SNX31: variants seen among roughly 807,000 people sequenced by gnomAD.
SNX31 encodes sorting nexin 31, also known as sorting nexin-31.
SNX31 carries 58 observed loss-of-function variants against 65.4 expected under a neutral mutation model. That is an observed-to-expected ratio of 0.89 (90% confidence interval 0.72 to 1.10). The LOEUF (loss-of-function observed/expected upper bound fraction) is 1.10. Among genes scored for constraint, SNX31 ranks in the 50% least tolerant of loss-of-function variants. SNX31 has a pLI of 0.00. For synonymous variants in SNX31, 181 were observed against 190.1 expected, an observed-to-expected ratio of 0.95 and a Z score of 0.39; for missense variants, 523 against 529.7, an observed-to-expected ratio of 0.99 and a Z score of 0.12.
intron 2 of SNX31, among the ~76,000 whole-genome samples, chr8:100,646,165 T>C (rs1819621874): frequency 6.6e-6 from 1 of 152,150 alleles, no homozygotes; most frequent in Non-Finnish European, 1.5e-5. Context: ...AGGAAAGGCA[T>C]ACAAATTTAC....
At position 100,613,681 on chromosome 8, in the gene SNX31, C is replaced by A. The variant is rs1284912807; in HGVS notation, c.433-596G>T. On this transcript the variant is annotated intron_variant, in intron 5 of 13. Coordinates refer to ENST00000311812, the MANE Select transcript of SNX31 (RefSeq NM_152628.4). The surrounding 1 kb of genome is among the most constrained non-coding windows in gnomAD (Gnocchi z 5.2). ...GCCAGGCACAGGTTGCCTTCCTTCA[C>A]ATTCCTCTTTGACTTATATCAAACA... Among the ~76,000 whole-genome samples the A allele has an allele frequency of 3.3e-5, 5 of 152,206 alleles. No individual in the cohort carries two copies. In the East Asian group the frequency reaches 9.6e-4, roughly 29 times the overall value.
chr8:100,627,057 A>G (rs1292556475), intron 4 of SNX31, among the ~76,000 whole-genome samples: 1 of 152,212 alleles, frequency 6.6e-6, no homozygotes. Context: ...TCAGGAAAAT[A>G]AGATACACAA....
At chr8:100,654,420 C>T (rs971660222), upstream of SNX31, among the ~76,000 whole-genome samples, 1 of 152,214 alleles carries the variant, frequency 6.6e-6, no homozygotes. Flanking sequence ...GATTCAAATC[C>T]AGGCTGCCTG....
At chr8:100,601,795 C>T (rs1815653987) in intron 8 of SNX31, among the ~76,000 whole-genome samples, 1 of 152,208 alleles carries the variant, frequency 6.6e-6, no homozygotes, top group African/African-American at 2.4e-5. Flanking sequence ...GCAGAAATCG[C>T]CTTGAAGGCA....
chr8:100,607,911 A>G (rs1443308932), intron 8 of SNX31, among the ~76,000 whole-genome samples: 1 of 152,254 alleles, frequency 6.6e-6, no homozygotes, highest in Non-Finnish European at 1.5e-5. Flanking sequence ...AGCCCAACGC[A>G]ACTGTGCAGG....
At chr8:100,637,019 C>T (rs993837300) in intron 2 of SNX31, among the ~76,000 whole-genome samples, 2 of 152,178 alleles carry the variant, frequency 1.3e-5, no homozygotes, top group Non-Finnish European at 2.9e-5. Flanking sequence ...CCACACCCGG[C>T]CGGGTGACTC....
At chr8:100,574,201 A>G (rs147125270) in intron 13 of SNX31, among the ~76,000 whole-genome samples, 50 of 152,350 alleles carry the variant, frequency 3.3e-4, no homozygotes, top group African/African-American at 1.2e-3. Context: ...TGCATCTTTC[A>G]GGGCCCTGGG....
chr8:100,643,486 A>C (rs1819415004), intron 2 of SNX31, among the ~76,000 whole-genome samples: 1 of 152,110 alleles, frequency 6.6e-6, no homozygotes, highest in South Asian at 2.1e-4. Flanking sequence ...TCACCAGATA[A>C]AGGGCCACAG....
rs1308785451 is a variant in SNX31, at chr8:100,649,265, T to C, written c.141+9A>G. 7.4e-6 allele frequency: 12 copies of C among 1,613,450 alleles called. No homozygotes were observed. Among genetic ancestry groups the C allele is most frequent in the Non-Finnish European group, 1.0e-5 (12 of 1,179,588 alleles). ...TGGATGGGCTCGTACCCGCCTCCAA[T>C]CTGCTCACCTGTTCGTTCCAACCGT... On this transcript the variant is annotated intron_variant, in intron 2 of 13. Coordinates refer to ENST00000311812, the MANE Select transcript of SNX31 (RefSeq NM_152628.4).
chr8:100,658,132 C>T lies in SNX31; in HGVS notation c.-58+5010G>A, dbSNP rs747379987. Among the ~76,000 whole-genome samples the T allele has an allele frequency of 3.3e-5, 5 of 152,136 alleles. No individual in the cohort carries two copies. In the East Asian group the frequency reaches 7.7e-4, roughly 23 times the overall value. On this transcript the variant is annotated intron_variant, in intron 1 of 5. Transcript: ENST00000520352. ...GTTTTTTGGAGGATAGCCTGGGCAT[C>T]GGGATGCTAATGCTCCCGAAGTGTG...
At chr8:100,624,792 G>A (rs974887420) in intron 4 of SNX31, among the ~76,000 whole-genome samples, 3 of 152,082 alleles carry the variant, frequency 2.0e-5, no homozygotes, top group Admixed American at 1.3e-4. Context: ...AACATTAAAT[G>A]AGCTGCTATC....
chr8:100,627,519 G>C (rs368397968), intron 4 of SNX31, among the ~76,000 whole-genome samples: 1 of 152,156 alleles, frequency 6.6e-6, no homozygotes, highest in African/African-American at 2.4e-5. Flanking sequence ...GCAAGACATA[G>C]GTCTAAAAGA....
At position 100,630,090 on chromosome 8, in the gene SNX31, A is replaced by C. The variant is rs540628165; in HGVS notation, c.321+237T>G. ...TCTTAGGCTACAGAAAAAGGGATCT[A>C]CTTAATAAAATGAGCCAAAGGTCAA... is the stretch of plus-strand genomic sequence containing the variant. On this transcript the variant is annotated intron_variant, in intron 4 of 13. Coordinates refer to ENST00000311812, the MANE Select transcript of SNX31 (RefSeq NM_152628.4). The surrounding 1 kb of genome is among the most constrained non-coding windows in gnomAD (Gnocchi z 5.3). Among the ~76,000 whole-genome samples, 6 of 152,328 alleles carry C rather than the reference A, an allele frequency of 3.9e-5. No homozygotes were observed. Among genetic ancestry groups the C allele is most frequent in the Admixed American group, 6.5e-5 (1 of 15,298 alleles).
intron 1 of SNX31, among the ~76,000 whole-genome samples, chr8:100,659,558 G>C (rs1044329935): frequency 2.6e-5 from 4 of 151,986 alleles, no homozygotes; most frequent in Admixed American, 2.6e-4. Context: ...TAACGAGAAT[G>C]TTTCCTGCTT....
intron 2 of SNX31, among the ~76,000 whole-genome samples, chr8:100,646,774 C>T (rs942230607): frequency 3.3e-5 from 5 of 152,186 alleles, no homozygotes; most frequent in African/African-American, 1.2e-4. Context: ...AATTTTATTA[C>T]ATTACATGAT....
Position 100,596,648 on chromosome 8 carries a change from G to A in SNX31, c.969C>T (p.Val323=). The change falls in exon 10 of 14, where the codon GTC becomes GTT. Residue 323 remains valine (V), a synonymous_variant. Transcript: ENST00000311812. ...GTGCCAAGATACTCACAAGGAAAGTGACCTGCCAGCACTTCACCCTGCTCA... is the reference window on the plus strand; with the variant it reads ...GTGCCAAGATACTCACAAGGAAAGTAACCTGCCAGCACTTCACCCTGCTCA... ...FQMSRVKCWQ[V]TFLGTLLDTD... 6.2e-7 allele frequency: 1 copy of A among 1,614,040 alleles called. No individual in the cohort carries two copies. The highest frequency in any genetic ancestry group is 8.5e-7 in the Non-Finnish European group (1 of 1,179,914).
chr8:100,581,169 C>A (rs1160411770), intron 12 of SNX31, among the ~76,000 whole-genome samples: 1 of 151,062 alleles, frequency 6.6e-6, no homozygotes, highest in East Asian at 1.9e-4. Context: ...TGTGGTGGCA[C>A]ATGCCAGTGG....
chr8:100,611,489 C>T (rs1816704524), intron 7 of SNX31, among the ~76,000 whole-genome samples: 1 of 152,164 alleles, frequency 6.6e-6, no homozygotes, highest in Non-Finnish European at 1.5e-5. Flanking sequence ...TGATAGTCAC[C>T]CTCAACATCC....
chr8:100,597,574 G>C lies in SNX31; in HGVS notation c.775-732C>G, dbSNP rs555320568. Among the ~76,000 whole-genome samples, 19 of 152,258 alleles carry C rather than the reference G, an allele frequency of 1.2e-4. No individual in the cohort carries two copies. In the South Asian group the frequency reaches 2.7e-3, roughly 22 times the overall value. ...GTTGGCTTTTAAAAAACTAAGCTGA[G>C]ATCTATGTAGGAAGAAAAGTGGTTC... On this transcript the variant is annotated intron_variant, in intron 9 of 13. Transcript: ENST00000311812.
Sources: gnomAD v4.1 joint callset for allele counts (sites outside exome capture counted in the v4.1 genomes callset) on GRCh38, gnomAD v4.1.1 for gene constraint, Gnocchi (gnomAD v3.1) non-coding constraint, MANE v1.5 for transcripts, NCBI Gene and HGNC (gene_info 2026-07-23, HGNC 2026-07-21) for gene names.